The following ZBTB40 variants were observed in gnomAD, a reference collection of about 807,000 sequenced individuals.
ZBTB40 encodes zinc finger and BTB domain containing 40.
ZBTB40 carries 60 observed loss-of-function variants against 117.5 expected under a neutral mutation model. That is an observed-to-expected ratio of 0.51 (90% confidence interval 0.41 to 0.63). The LOEUF is 0.63. ZBTB40 is among the 30% of genes least tolerant of loss of function. ZBTB40 has a pLI of 0.00. For missense variants in ZBTB40, 1,287 were observed against 1,498.5 expected (o/e 0.86, Z 2.33); for synonymous variants, 525 against 577.1 (o/e 0.91, Z 1.29).
intron 3 of ZBTB40, among the ~76,000 whole-genome samples, chr1:22,492,081 TGTGA>T (rs1233095223): frequency 3.3e-5 from 5 of 152,128 alleles, no homozygotes; most frequent in South Asian, 2.1e-4. Context: ...AAATCATCAG[TGTGA>T]GTATTATTGT....
upstream of ZBTB40, chr1:22,451,847 C>G (rs1028839504): frequency 3.3e-5 from 5 of 152,286 alleles, no homozygotes; most frequent in African/African-American, 4.8e-5. Flanking sequence ...GCCCCCTCCC[C>G]TCTGATACCC....
At chr1:22,440,906 A>T (rs1212311649) in intron 1 of ZBTB40, among the ~76,000 whole-genome samples, 1 of 152,096 alleles carries the variant, frequency 6.6e-6, no homozygotes, top group Non-Finnish European at 1.5e-5. Flanking sequence ...TTTTTATATT[A>T]ATGTTCATAA....
At chr1:22,433,435 A>AAAACAAAAACAAAAAC (rs1386807539) in intron 1 of ZBTB40, among the ~76,000 whole-genome samples, 4 of 120,262 alleles carry the variant, frequency 3.3e-5, no homozygotes, top group African/African-American at 6.8e-5. Context: ...GCCCTCTCAA[A>AAAACAAAAACAAAAAC]AAAAAAAAAA....
Position 22,490,350 on chromosome 1 carries a change from A to G in ZBTB40, c.402A>G (p.Ser134=), listed in dbSNP as rs747568706. ...QVVRDVSAPS[S]ETFRKEPEKP... is the part of the protein sequence containing the mutation. ...TAAGGGATGTCTCTGCGCCATCCTC[A>G]GAGACATTCAGAAAGGAACCAGAGA... The change falls in exon 2 of 18, where the codon TCA becomes TCG. Residue 134 remains serine (S), a synonymous_variant. Transcript: ENST00000375647. 6.2e-7 allele frequency: 1 copy of G among 1,614,172 alleles called. No individual in the cohort carries two copies. Among genetic ancestry groups the G allele is most frequent in the South Asian group, 1.1e-5 (1 of 91,084 alleles).
intron 14 of ZBTB40, among the ~76,000 whole-genome samples, chr1:22,521,228 C>T (rs932433464): frequency 1.3e-5 from 2 of 152,194 alleles, no homozygotes; most frequent in Admixed American, 6.5e-5. Flanking sequence ...ACTCTAACAC[C>T]TCCCTCATAG....
chr1:22,512,955 C>T lies in ZBTB40; in HGVS notation c.2493C>T (p.Phe831=), dbSNP rs1267151257. 11 of 1,614,092 alleles carry T rather than the reference C, an allele frequency of 6.8e-6. No homozygotes were observed. Among genetic ancestry groups the T allele is most frequent in the Non-Finnish European group, 9.3e-6 (11 of 1,180,048 alleles). Residue 831 remains phenylalanine (F), a synonymous_variant, in exon 12 of 18, where the codon TTC becomes TTT. Transcript: ENST00000375647. ...AGTACCATAAGCTGACAGAGCACTT[C>T]GATGAGAAGCCTTTCTCCTGTGAAG... ...GMQYHKLTEH[F]DEKPFSCEEC...
chr1:22,526,121 C>T, intron 17 of ZBTB40, 81 bp from the exon 18 acceptor site: 2 of 1,504,678 alleles, frequency 1.3e-6, no homozygotes, highest in South Asian at 1.1e-5. Context: ...ATCATCATTA[C>T]AGCATGAGAT....
intron 1 of ZBTB40, among the ~76,000 whole-genome samples, chr1:22,477,986 A>G (rs1641591195): frequency 6.6e-6 from 1 of 152,138 alleles, no homozygotes; most frequent in Admixed American, 6.5e-5. Flanking sequence ...ATTCCCTTGT[A>G]TCCTTGTACA....
At chr1:22,491,932 A>G (rs1423615279) in intron 3 of ZBTB40, among the ~76,000 whole-genome samples, 1 of 152,244 alleles carries the variant, frequency 6.6e-6, no homozygotes, top group Non-Finnish European at 1.5e-5. Context: ...ATATAAACTT[A>G]TAAATTATTG....
chr1:22,429,771 T>A (rs1640553351), intron 1 of ZBTB40, among the ~76,000 whole-genome samples: 1 of 152,066 alleles, frequency 6.6e-6, no homozygotes, highest in African/African-American at 2.4e-5. Context: ...GGCGGGTGGA[T>A]CACCTAAGGT....
intron 1 of ZBTB40, among the ~76,000 whole-genome samples, chr1:22,458,163 T>A (rs1457998304): frequency 2.0e-5 from 3 of 152,260 alleles, no homozygotes; most frequent in Non-Finnish European, 2.9e-5. Flanking sequence ...GAAACAGCCT[T>A]CTAGTTGGTC....
chr1:22,461,079 T>C (rs543812376), intron 1 of ZBTB40, among the ~76,000 whole-genome samples: 16 of 152,350 alleles, frequency 1.1e-4, no homozygotes, highest in African/African-American at 3.6e-4. Context: ...GGAACCAATA[T>C]ATTTAAATTA....
intron 1 of ZBTB40, among the ~76,000 whole-genome samples, chr1:22,484,843 A>T (rs1638422157): frequency 1.3e-5 from 2 of 152,142 alleles, no homozygotes; most frequent in Non-Finnish European, 2.9e-5. Context: ...TGGAGTTTTT[A>T]TCATGAATGG....
At chr1:22,499,198 G>A (rs940181628) in intron 3 of ZBTB40, among the ~76,000 whole-genome samples, 1 of 152,220 alleles carries the variant, frequency 6.6e-6, no homozygotes, top group African/African-American at 2.4e-5. Flanking sequence ...CTGACTGTTG[G>A]CTGGAGACCA....
chr1:22,465,036 A>AGACAAGTGAAGGG (rs1269993361), intron 1 of ZBTB40, among the ~76,000 whole-genome samples: 2 of 152,200 alleles, frequency 1.3e-5, no homozygotes, highest in African/African-American at 4.8e-5. Context: ...GCATCCAGGT[A>AGACAAGTGAAGGG]TGCAGACAAG....
chr1:22,511,378 C>G, intron 10 of ZBTB40, 31 bp downstream of exon 10: 1 of 1,611,768 alleles, frequency 6.2e-7, no homozygotes, highest in South Asian at 1.1e-5. Flanking sequence ...GAAGGGGGTT[C>G]CTATCAGCAC....
chr1:22,500,735 A>ATTC (rs1638907410), intron 3 of ZBTB40, among the ~76,000 whole-genome samples: 1 of 152,242 alleles, frequency 6.6e-6, no homozygotes, highest in African/African-American at 2.4e-5. Flanking sequence ...CTTCAGGCTG[A>ATTC]AAGCAGTCAT....
intron 1 of ZBTB40, among the ~76,000 whole-genome samples, chr1:22,429,424 A>G (rs1237871369): frequency 6.6e-6 from 1 of 152,142 alleles, no homozygotes; most frequent in Non-Finnish European, 1.5e-5. Flanking sequence ...AAAGTCACAA[A>G]GGCATTTGCC....
intron 13 of ZBTB40, chr1:22,517,692 T>G: frequency 1.8e-6 from 1 of 560,808 alleles, no homozygotes; most frequent in Non-Finnish European, 2.9e-6. Flanking sequence ...TTTCCCTGTC[T>G]TCCTTTTTAG....
Sources: gnomAD v4.1 joint callset for allele counts (sites outside exome capture counted in the v4.1 genomes callset) on GRCh38, gnomAD v4.1.1 for gene constraint, MANE v1.5 for transcripts, NCBI Gene and HGNC (gene_info 2026-07-23, HGNC 2026-07-21) for gene names.